Variants in DMD observed in about 807,000 individuals in gnomAD.
The protein encoded by DMD is mutant dystrophin.
Under a neutral mutation model 330.1 loss-of-function variants are expected in DMD, and 63 were observed. The observed-to-expected ratio is 0.19, with a 90% CI of 0.16 to 0.24. The LOEUF (loss-of-function observed/expected upper bound fraction) is 0.24. Ranked by LOEUF, DMD falls within the 10% of genes least tolerant of loss-of-function variation. The probability of loss-of-function intolerance (pLI) is 1.00; values close to 1 mark genes in which losing one functional copy is unlikely to be tolerated. For missense variants in DMD, 3,344 were observed against 2,684.1 expected, an observed-to-expected ratio of 1.25 and a Z score of -5.43; for synonymous variants, 1,223 against 959.8, an observed-to-expected ratio of 1.27 and a Z score of -5.07.
At chrX:32,822,997 T>C (rs1420558718) in intron 5 of DMD, among the ~76,000 whole-genome samples, 3 of 109,649 alleles carry the variant, frequency 2.7e-5, no homozygotes, top group Non-Finnish European at 5.7e-5. Flanking sequence ...AGACAAGTTA[T>C]AGAACATACA....
At chrX:32,244,902 G>A (rs372695811) in intron 43 of DMD, among the ~76,000 whole-genome samples, 1 of 74,319 alleles carries the variant, frequency 1.3e-5, no homozygotes, top group Non-Finnish European at 2.4e-5. Flanking sequence ...TTTCTCCCAT[G>A]TTGTAGGTTC....
intron 1 of DMD, among the ~76,000 whole-genome samples, chrX:33,094,828 AAAAG>A (rs1343330498): frequency 3.5e-4 from 39 of 110,749 alleles, no homozygotes; most frequent in African/African-American, 1.1e-3. Flanking sequence ...AAAAAGAAAA[AAAAG>A]AAAGAGCAAG....
chrX:32,548,897 T>C (rs762848025), intron 16 of DMD, among the ~76,000 whole-genome samples: 5 of 111,593 alleles, frequency 4.5e-5, no homozygotes, highest in Non-Finnish European at 9.4e-5. Context: ...ATGTTTAATA[T>C]GGCAGAGTCA....
At chrX:33,085,961 A>G (rs1216974377) in intron 1 of DMD, 1 of 112,288 alleles carries the variant, frequency 8.9e-6, no homozygotes, top group Non-Finnish European at 1.9e-5. Flanking sequence ...AAAAAGAAAA[A>G]AAGTTATTAG....
intron 62 of DMD, chrX:31,266,885 G>A: frequency 8.4e-7 from 1 of 1,191,115 alleles, no homozygotes; most frequent in Non-Finnish European, 1.1e-6. Flanking sequence ...GAGCTTCCCA[G>A]AGCCGCCGGG....
chrX:32,639,418 A>T (rs978941606), intron 11 of DMD, among the ~76,000 whole-genome samples: 1 of 111,833 alleles, frequency 8.9e-6, no homozygotes, highest in African/African-American at 3.2e-5. Flanking sequence ...AGGGGTTCTA[A>T]CAAAACCACA....
At chrX:32,244,086 C>G (rs1229750896) in intron 43 of DMD, among the ~76,000 whole-genome samples, 5 of 91,007 alleles carry the variant, frequency 5.5e-5, no homozygotes, top group Non-Finnish European at 8.8e-5. Context: ...GGTATATCTC[C>G]CAATGCTATC....
intron 1 of DMD, among the ~76,000 whole-genome samples, chrX:33,202,224 T>C (rs1389115344): frequency 5.4e-5 from 6 of 111,935 alleles, no homozygotes; most frequent in African/African-American, 1.6e-4. Flanking sequence ...TATTTTGTTC[T>C]ATCCTTTTTA....
At chrX:31,155,572 A>C in intron 74 of DMD, among the ~76,000 whole-genome samples, 1 of 112,591 alleles carries the variant, frequency 8.9e-6, no homozygotes, top group East Asian at 2.8e-4. Context: ...AGTAAATCAT[A>C]CAGAACTATT....
intron 12 of DMD, among the ~76,000 whole-genome samples, chrX:32,600,089 T>A (rs1172478881): frequency 1.1e-4 from 12 of 111,841 alleles, no homozygotes; most frequent in Non-Finnish European, 1.9e-5. Flanking sequence ...AATTTTATTA[T>A]TTAAACCTGA....
At chrX:31,417,859 T>A (rs2063147684) in intron 60 of DMD, among the ~76,000 whole-genome samples, 1 of 108,522 alleles carries the variant, frequency 9.2e-6, no homozygotes, top group Admixed American at 1.0e-4. Context: ...GGCTAATTTT[T>A]TGTATTTTTA....
intron 42 of DMD, among the ~76,000 whole-genome samples, chrX:32,309,369 T>G (rs11095228): frequency 0.24 from 26,179 of 110,651 alleles, 3,748 homozygotes; most frequent in African/African-American, 0.54. Context: ...ATATTTCATT[T>G]TGAGTGTAAA....
intron 44 of DMD, among the ~76,000 whole-genome samples, chrX:32,165,214 C>T (rs989316027): frequency 8.9e-6 from 1 of 112,468 alleles, no homozygotes; most frequent in African/African-American, 3.2e-5. Flanking sequence ...CAACAGCTTG[C>T]ACCACGTGCC....
intron 59 of DMD, among the ~76,000 whole-genome samples, chrX:31,454,651 T>C (rs2066021899): frequency 8.9e-6 from 1 of 112,329 alleles, no homozygotes; most frequent in African/African-American, 3.2e-5. Context: ...TTAGTGCTTT[T>C]GATTCAGTGG....
rs150408249 is a variant in DMD at position 32,376,075 on chromosome X, T to A, written c.4845+4435A>T. ...CAGGTGGATGACCTGAGGTCAGGAG[T>A]TCGAGACCAGCCTGACCATCATGGT... On this transcript the variant is annotated intron_variant, in intron 34 of 78. Coordinates refer to ENST00000357033, the MANE Select transcript of DMD (RefSeq NM_004006.3). Among the ~76,000 whole-genome samples, 271 of 110,758 alleles carry A rather than the reference T, an allele frequency of 2.4e-3. 1 individual carries two copies. The highest frequency in any genetic ancestry group is 8.1e-3 in the South Asian group (21 of 2,606).
chrX:31,668,019 A>T (rs2081526212), intron 53 of DMD, among the ~76,000 whole-genome samples: 1 of 111,794 alleles, frequency 8.9e-6, no homozygotes. Context: ...TTAAACAATC[A>T]ATGATGTTAA....
At chrX:31,363,850 G>A (rs2059096540) in intron 60 of DMD, among the ~76,000 whole-genome samples, 1 of 112,446 alleles carries the variant, frequency 8.9e-6, no homozygotes, top group Non-Finnish European at 1.9e-5. Context: ...TGGGACAACT[G>A]AAAATGTCTC....
chrX:32,405,932 C>A (rs1043656031), intron 30 of DMD, among the ~76,000 whole-genome samples: 14 of 111,129 alleles, frequency 1.3e-4, no homozygotes, highest in Admixed American at 3.8e-4. Flanking sequence ...TTTCATTGAG[C>A]AGTGGTTTGT....
intron 52 of DMD, among the ~76,000 whole-genome samples, chrX:31,708,830 T>A (rs969231899): frequency 8.9e-6 from 1 of 112,333 alleles, no homozygotes; most frequent in African/African-American, 3.2e-5. Context: ...TCAGTTTCCA[T>A]CCCTGTTCAA....
Sources: allele counts gnomAD v4.1 joint callset (sites outside exome capture counted in the v4.1 genomes callset), GRCh38; gene constraint gnomAD v4.1.1; transcripts MANE v1.5; gene names NCBI Gene and HGNC (gene_info 2026-07-23, HGNC 2026-07-21).